NXN: variants seen among roughly 807,000 people sequenced by gnomAD.
NXN encodes the protein nucleoredoxin 1.
Under a neutral mutation model 48.6 loss-of-function variants are expected in NXN, and 16 were observed. The ratio of observed to expected loss-of-function variants is 0.33; its 90% CI spans 0.22 to 0.50. The LOEUF (loss-of-function observed/expected upper bound fraction) is 0.50, where lower values mean the gene tolerates loss of function less well. NXN is among the 20% of genes least tolerant of loss of function. The pLI, the probability that NXN is intolerant of heterozygous loss-of-function variation, is 0.98. For missense variants in NXN, 492 were observed against 605.5 expected, an observed-to-expected ratio of 0.81 and a Z score of 1.97; for synonymous variants, 281 against 269.6, an observed-to-expected ratio of 1.04 and a Z score of -0.41.
chr17:900,521 G>A lies in NXN; in HGVS notation c.361-74443C>T, dbSNP rs188998330. ...TCAGGAGGAAATCTCTTTCCTCCCAGGAGGCTGCTGGCAAACCATGGCATC... is the reference window on the plus strand; with the variant it reads ...TCAGGAGGAAATCTCTTTCCTCCCAAGAGGCTGCTGGCAAACCATGGCATC... On this transcript the variant is annotated intron_variant, in intron 1 of 7. Coordinates refer to ENST00000336868, the MANE Select transcript of NXN (RefSeq NM_022463.5). Among the ~76,000 whole-genome samples the A allele has an allele frequency of 2.6e-5, 4 of 152,252 alleles. No homozygotes were observed. In the East Asian group the frequency reaches 7.7e-4, roughly 29 times the overall value.
At chr17:883,338 C>G (rs2068305936) in intron 1 of NXN, among the ~76,000 whole-genome samples, 1 of 152,178 alleles carries the variant, frequency 6.6e-6, no homozygotes. Flanking sequence ...AGAGGCCTCT[C>G]TTCCTCCCAC....
chr17:827,218 T>C (rs113485569), intron 1 of NXN, among the ~76,000 whole-genome samples: 6 of 151,344 alleles, frequency 4.0e-5, no homozygotes, highest in Non-Finnish European at 7.4e-5. Flanking sequence ...GTGGCTCACA[T>C]CTGTAATCCC....
chr17:856,501 T>C (rs1389736226), intron 1 of NXN, among the ~76,000 whole-genome samples: 25 of 149,460 alleles, frequency 1.7e-4, no homozygotes, highest in Admixed American at 1.1e-3. Context: ...TTTTTTTTTT[T>C]TTTTTTTGAG....
chr17:929,903 G>A (rs1244567602), intron 1 of NXN: 4 of 148,076 alleles, frequency 2.7e-5, no homozygotes, highest in East Asian at 2.0e-4. Flanking sequence ...CTCTGCTCTC[G>A]AAAATGCAGT....
chr17:843,060 G>C (rs867963814), intron 1 of NXN, among the ~76,000 whole-genome samples: 2,174 of 109,102 alleles, frequency 0.02, 46 homozygotes, highest in African/African-American at 0.086. Context: ...AAGAAAGAAG[G>C]AAGAAAGCAA....
At chr17:836,533 T>TCC (rs1567825001) in intron 1 of NXN, among the ~76,000 whole-genome samples, 1 of 152,040 alleles carries the variant, frequency 6.6e-6, no homozygotes, top group Non-Finnish European at 1.5e-5. Context: ...AGAGCAGGAA[T>TCC]CCCCCTCATC....
chr17:904,619 C>CTGCAA (rs2068566956), intron 1 of NXN, among the ~76,000 whole-genome samples: 1 of 152,190 alleles, frequency 6.6e-6, no homozygotes, highest in Non-Finnish European at 1.5e-5. Flanking sequence ...TCTCGGCTCA[C>CTGCAA]TGCAACCTCT....
intron 1 of NXN, among the ~76,000 whole-genome samples, chr17:884,089 T>C (rs1177829847): frequency 2.0e-5 from 3 of 151,956 alleles, no homozygotes; most frequent in African/African-American, 4.8e-5. Context: ...GGCGTGGTGG[T>C]GGGCGCCTGT....
intron 1 of NXN, 83 bp downstream of exon 1, chr17:979,236 G>GGCAGGGGTAACGGGCGTGGGGGGCGT: frequency 5.8e-6 from 6 of 1,027,486 alleles, no homozygotes; most frequent in Non-Finnish European, 7.4e-6. Flanking sequence ...GTTGGCGGAG[G>GGCAGGGGTAACGGGCGTGGGGGGCGT]GCAGGGGTAA....
chr17:874,863 A>G (rs1013316990), intron 1 of NXN, among the ~76,000 whole-genome samples: 2 of 152,350 alleles, frequency 1.3e-5, no homozygotes, highest in Non-Finnish European at 2.9e-5. Context: ...GAAAACCAGA[A>G]TCTGTTACAG....
chr17:852,662 A>G (rs2067936499), intron 1 of NXN, among the ~76,000 whole-genome samples: 1 of 151,780 alleles, frequency 6.6e-6, no homozygotes, highest in African/African-American at 2.4e-5. Flanking sequence ...GGGAGGCAGG[A>G]CCCCCGTCTG....
intron 1 of NXN, among the ~76,000 whole-genome samples, chr17:968,824 C>T (rs1362934970): frequency 6.6e-6 from 1 of 151,958 alleles, no homozygotes; most frequent in Non-Finnish European, 1.5e-5. Flanking sequence ...GTAATCCCAG[C>T]TACTCAGGAG....
intron 5 of NXN, among the ~76,000 whole-genome samples, chr17:812,822 G>C (rs1483639833): frequency 6.6e-6 from 1 of 150,710 alleles, no homozygotes; most frequent in Non-Finnish European, 1.5e-5. Flanking sequence ...GTGTGTGTGC[G>C]AGTGTGCATG....
chr17:850,531 G>C (rs1278551732), intron 1 of NXN, among the ~76,000 whole-genome samples: 1 of 152,204 alleles, frequency 6.6e-6, no homozygotes, highest in African/African-American at 2.4e-5. Flanking sequence ...GCCATTTTGT[G>C]AGTTCCCAAA....
chr17:818,935 C>G (rs965146980), intron 5 of NXN, among the ~76,000 whole-genome samples: 4 of 151,738 alleles, frequency 2.6e-5, no homozygotes, highest in African/African-American at 7.3e-5. Flanking sequence ...AGCTGTCTTA[C>G]TAAGACAGTA....
chr17:909,317 C>T (rs756682364), intron 1 of NXN, among the ~76,000 whole-genome samples: 7 of 152,030 alleles, frequency 4.6e-5, no homozygotes, highest in African/African-American at 1.4e-4. Context: ...AACCAGTGCT[C>T]GGCATGAAAC....
In NXN at chr17:958,670, C is replaced by G. The variant is rs1286068686; in HGVS notation, c.360+20649G>C. Among the ~76,000 whole-genome samples the G allele has an allele frequency of 3.3e-5, 5 of 152,116 alleles. No individual in the cohort carries two copies. The highest frequency in any genetic ancestry group is 5.9e-5 in the Non-Finnish European group (4 of 68,042). On this transcript the variant is annotated intron_variant, in intron 1 of 7. Transcript: ENST00000336868. This position sits in a 1 kb window ranked among gnomAD's most constrained non-coding sequence, Gnocchi z 6.9. ...CCTGTAGTCCCAGCTACTCAGGAGGCTGAGGCAGGAGAATCACCGAGGCGG... is the reference window on the plus strand; with the variant it reads ...CCTGTAGTCCCAGCTACTCAGGAGGGTGAGGCAGGAGAATCACCGAGGCGG...
intron 1 of NXN, among the ~76,000 whole-genome samples, chr17:873,443 G>A (rs934330124): frequency 7.0e-6 from 1 of 142,318 alleles, no homozygotes; most frequent in African/African-American, 2.7e-5. Flanking sequence ...GTTGCAGTGA[G>A]CTGAGATCGC....
chr17:848,763 A>G (rs16956295), intron 1 of NXN, among the ~76,000 whole-genome samples: 6,583 of 152,278 alleles, frequency 0.043, 143 homozygotes, highest in African/African-American at 0.057. Context: ...GAAGCTAACA[A>G]GAAAGCGGAC....
Sources: gnomAD v4.1 joint callset for allele counts (sites outside exome capture counted in the v4.1 genomes callset) on GRCh38, gnomAD v4.1.1 for gene constraint, Gnocchi (gnomAD v3.1) non-coding constraint, MANE v1.5 for transcripts, NCBI Gene and HGNC (gene_info 2026-07-23, HGNC 2026-07-21) for gene names.